The following ACADL variants were observed in gnomAD, a reference collection of about 807,000 sequenced individuals.
ACADL encodes the protein acyl-CoA dehydrogenase long chain, also known as long-chain specific acyl-CoA dehydrogenase, mitochondrial.
In ACADL, 60 loss-of-function variants were observed where a neutral mutation model predicts 56.9. The ratio of observed to expected loss-of-function variants is 1.05; its 90% CI spans 0.86 to 1.31. ACADL has a LOEUF of 1.31. Ranked by LOEUF, ACADL falls within the 50% of genes most tolerant of loss-of-function variation. The pLI is 0.00. For missense variants in ACADL, 484 were observed against 525.5 expected (o/e 0.92, Z 0.77); for synonymous variants, 158 against 179.7 (o/e 0.88, Z 0.97).
chr2:210,214,475 G>GAAAGAAAGAAAGAAAGA (rs1689041976), intron 4 of ACADL, among the ~76,000 whole-genome samples: 1 of 145,352 alleles, frequency 6.9e-6, no homozygotes, highest in Non-Finnish European at 1.5e-5. Context: ...AAAAAAGAAA[G>GAAAGAAAGAAAGAAAGA]AAAGAAAGAA....
intron 4 of ACADL, among the ~76,000 whole-genome samples, chr2:210,213,053 T>A (rs1359411906): frequency 6.6e-6 from 1 of 152,230 alleles, no homozygotes; most frequent in Admixed American, 6.5e-5. Context: ...GAACTTTTGG[T>A]ACATGCCAGG....
intron 6 of ACADL, 124 bp from the exon 7 acceptor site, chr2:210,204,806 G>A: frequency 2.6e-6 from 2 of 773,460 alleles, no homozygotes; most frequent in Admixed American, 4.2e-5. Flanking sequence ...CCAAGTTGGA[G>A]TAGTTAATGA....
intron 8 of ACADL, among the ~76,000 whole-genome samples, chr2:210,197,433 C>G (rs1170480383): frequency 2.6e-5 from 4 of 152,014 alleles, no homozygotes; most frequent in African/African-American, 9.7e-5. Flanking sequence ...CTTTAATCAG[C>G]ACAAAGTTTC....
chr2:210,215,356 T>G (rs1689068499), intron 4 of ACADL, among the ~76,000 whole-genome samples: 1 of 152,032 alleles, frequency 6.6e-6, no homozygotes, highest in Non-Finnish European at 1.5e-5. Context: ...TGCCAAAACC[T>G]CTTCTCCATT....
chr2:210,215,547 G>A (rs1015994943), intron 4 of ACADL, among the ~76,000 whole-genome samples: 1 of 151,912 alleles, frequency 6.6e-6, no homozygotes, highest in East Asian at 1.9e-4. Flanking sequence ...TTTCCTCCTT[G>A]GTCCCTTTTT....
intron 9 of ACADL, among the ~76,000 whole-genome samples, chr2:210,194,514 C>A (rs1393527626): frequency 1.3e-5 from 2 of 152,148 alleles, no homozygotes; most frequent in Admixed American, 1.3e-4. Flanking sequence ...AAAAGTCTGA[C>A]ATACAGGGAT....
At chr2:210,214,483 G>GAA (rs1443069309) in intron 4 of ACADL, among the ~76,000 whole-genome samples, 2 of 148,594 alleles carry the variant, frequency 1.3e-5, no homozygotes, top group African/African-American at 5.1e-5. Context: ...AAGAAAGAAA[G>GAA]AAAGAAAGAA....
intron 3 of ACADL, chr2:210,217,421 G>A (rs1245777963): frequency 6.5e-6 from 1 of 154,378 alleles, no homozygotes; most frequent in Non-Finnish European, 1.4e-5. Context: ...TCAGCACTGG[G>A]TATTAGGATT....
At chr2:210,220,574 T>G (rs1162936984) in intron 2 of ACADL, 73 bp downstream of exon 2, 45 of 1,386,612 alleles carry the variant, frequency 3.2e-5, no homozygotes, top group Non-Finnish European at 4.4e-5. Flanking sequence ...TGTATAGCAA[T>G]ATATGGCATT....
chr2:210,217,978 C>A lies in ACADL; in HGVS notation c.358G>T (p.Val120Phe), dbSNP rs1029638650. Reference protein sequence around the residue: ...IGGDLYSAAIVWEEQAYSNCS... With the variant: ...IGGDLYSAAIFWEEQAYSNCS... ...CTCCATACTTACTGCTCCTCCCAGA[C>A]AATAGCTGCGGAGTACAGATCCCCT... Residue 120 changes from valine to phenylalanine, a missense_variant, in exon 3 of 11, where the codon GTC becomes TTC. Physicochemically the swap from Val to Phe is conservative, Grantham distance 50. Transcript: ENST00000233710. 6.2e-7 allele frequency: 1 copy of A among 1,614,020 alleles called. No individual in the cohort carries two copies. The highest frequency in any genetic ancestry group is 1.7e-5 in the Admixed American group (1 of 59,978).
At chr2:210,192,970 T>A in intron 9 of ACADL, 80 bp from the exon 10 acceptor site, 1 of 1,051,134 alleles carries the variant, frequency 9.5e-7, no homozygotes, top group Non-Finnish European at 1.5e-6. Flanking sequence ...GAAAACTAAT[T>A]ATTTACAATT....
chr2:210,216,791 A>C (rs1157538047), intron 3 of ACADL: 2 of 362,036 alleles, frequency 5.5e-6, no homozygotes, highest in Non-Finnish European at 1.0e-5. Context: ...TTCCTCTAAC[A>C]CAGTGGAATA....
chr2:210,196,911 A>T (rs1207484071), intron 8 of ACADL, among the ~76,000 whole-genome samples: 1 of 152,198 alleles, frequency 6.6e-6, no homozygotes, highest in Non-Finnish European at 1.5e-5. Flanking sequence ...GTGTTCTCAA[A>T]GGAGGGTGGT....
chr2:210,223,894 A>G (rs1672924891), intron 1 of ACADL, among the ~76,000 whole-genome samples: 1 of 152,214 alleles, frequency 6.6e-6, no homozygotes, highest in South Asian at 2.1e-4. Context: ...CGACAGACGG[A>G]TAGATATAAC....
In ACADL at chr2:210,204,754, T is replaced by C. The variant is rs958013171; in HGVS notation, c.769-72A>G. On this transcript the variant is annotated intron_variant, in intron 6 of 10. Transcript: ENST00000233710. ...TCCAATAACCCAGTGAATATTGAAG[T>C]GAATATTATTTTTTCCAAAAAAACA... 8 of 1,238,600 alleles carry C rather than the reference T, an allele frequency of 6.5e-6. No individual in the cohort carries two copies. In the African/African-American group the frequency reaches 1.2e-4, roughly 19 times the overall value. 76.7% of individuals were successfully genotyped at this position (1,238,600 alleles called of 1,614,324 possible).
chr2:210,204,278 C>G (rs912288886), intron 7 of ACADL, among the ~76,000 whole-genome samples: 1 of 152,124 alleles, frequency 6.6e-6, no homozygotes, highest in African/African-American at 2.4e-5. Context: ...TTACAAAGAG[C>G]TAAAAGTTTT....
At chr2:210,204,778 C>T in intron 6 of ACADL, 96 bp from the exon 7 acceptor site, 1 of 1,071,450 alleles carries the variant, frequency 9.3e-7, no homozygotes, top group Non-Finnish European at 1.4e-6. Flanking sequence ...TCCAAAAAAA[C>T]AAAACACAAA....
chr2:210,188,969 C>A lies in ACADL; in HGVS notation c.1285G>T (p.Asp429Tyr). ...AGGATGTGGGCAGATGTCTACTTGTCAAAGACAATCTCTCTTGCAATCAGC... is the reference window on the plus strand; with the variant it reads ...AGGATGTGGGCAGATGTCTACTTGTAAAAGACAATCTCTCTTGCAATCAGC... ...KELIAREIVFDK is the reference protein window; with the variant it reads ...KELIAREIVFYK Residue 429 changes from aspartate to tyrosine, a missense_variant, in exon 11 of 11, where the codon GAC (aspartate) becomes TAC (tyrosine). Physicochemically the swap from Asp to Tyr is radical, Grantham distance 160 (BLOSUM62 -3). Coordinates refer to ENST00000233710, the MANE Select transcript of ACADL (RefSeq NM_001608.4). 2 of 1,612,124 alleles carry A rather than the reference C, an allele frequency of 1.2e-6. No individual in the cohort carries two copies. The highest frequency in any genetic ancestry group is 1.7e-6 in the Non-Finnish European group (2 of 1,178,386).
intron 7 of ACADL, among the ~76,000 whole-genome samples, chr2:210,203,829 C>T (rs1485351499): frequency 6.6e-6 from 1 of 152,144 alleles, no homozygotes; most frequent in African/African-American, 2.4e-5. Context: ...TCACATAACA[C>T]CATGCCCATG....
Sources: allele counts gnomAD v4.1 joint callset (sites outside exome capture counted in the v4.1 genomes callset), GRCh38; gene constraint gnomAD v4.1.1; transcripts MANE v1.5; gene names NCBI Gene and HGNC (gene_info 2026-07-23, HGNC 2026-07-21).